Variants in HPSE2 observed in about 807,000 individuals in gnomAD.
The protein encoded by HPSE2 is inactive heparanase-2.
HPSE2 carries 38 observed loss-of-function variants against 60.5 expected under a neutral mutation model. The ratio of observed to expected loss-of-function variants is 0.63; its 90% CI spans 0.48 to 0.82. The LOEUF (loss-of-function observed/expected upper bound fraction) is 0.82. Among genes scored for constraint, HPSE2 ranks in the 40% least tolerant of loss-of-function variants. HPSE2 has a pLI of 0.00. For missense variants in HPSE2, 713 were observed against 740.4 expected, an observed-to-expected ratio of 0.96 and a Z score of 0.43; for synonymous variants, 295 against 293.2, an observed-to-expected ratio of 1.01 and a Z score of -0.06.
rs779671429 is a variant in HPSE2 at position 98,580,824 on chromosome 10, T to TTA, written c.1320+34078_1320+34079dup. On this transcript the variant is annotated intron_variant, in intron 9 of 11. Transcript: ENST00000370552. ...CTGTTTAGTCAAGTTGTGCTTGGTT[T>TTA]TATATATATATATGTGTGTGTGTGT... Among the ~76,000 whole-genome samples, 388 of 128,564 alleles carry TTA rather than the reference T, an allele frequency of 3.0e-3. 13 individuals carry two copies. The highest frequency in any genetic ancestry group is 7.5e-3 in the Admixed American group (94 of 12,544). The allele number at this position is 128,564 out of a possible 152,430, so 84.3% of individuals were successfully genotyped here. A position where few individuals can be genotyped will look rare whatever the true frequency, so the allele number is the denominator to read the frequency against.
intron 3 of HPSE2, among the ~76,000 whole-genome samples, chr10:98,922,448 C>T (rs562124750): frequency 5.9e-5 from 9 of 152,226 alleles, no homozygotes; most frequent in South Asian, 4.1e-4. Flanking sequence ...CATGAAGATA[C>T]GAGGGAGAAC....
intron 2 of HPSE2, among the ~76,000 whole-genome samples, chr10:99,177,933 G>A (rs895939480): frequency 3.3e-5 from 5 of 152,004 alleles, no homozygotes; most frequent in Admixed American, 6.6e-5. Flanking sequence ...CTCAGACCAC[G>A]GTGCAATCAA....
intron 3 of HPSE2, among the ~76,000 whole-genome samples, chr10:98,886,750 A>G (rs536365009): frequency 6.6e-6 from 1 of 152,176 alleles, no homozygotes; most frequent in Non-Finnish European, 1.5e-5. Flanking sequence ...TCGGAAAAGC[A>G]TAAGACAAGA....
chr10:98,790,914 A>T (rs1179416734), intron 3 of HPSE2, among the ~76,000 whole-genome samples: 1 of 152,208 alleles, frequency 6.6e-6, no homozygotes, highest in African/African-American at 2.4e-5. Flanking sequence ...AAAAGCTTCA[A>T]AAAACAGTGG....
chr10:98,945,899 G>T (rs1256781557), intron 3 of HPSE2, among the ~76,000 whole-genome samples: 4 of 152,100 alleles, frequency 2.6e-5, no homozygotes, highest in African/African-American at 9.7e-5. Context: ...CTGGGATGAA[G>T]ACAGAGCACA....
intron 9 of HPSE2, among the ~76,000 whole-genome samples, chr10:98,546,811 A>G (rs900132785): frequency 1.3e-5 from 2 of 150,616 alleles, no homozygotes; most frequent in South Asian, 2.1e-4. Flanking sequence ...AATGGGATCT[A>G]ATTAAACTCA....
At chr10:98,643,408 ATTAAG>A (rs1365216553) in intron 6 of HPSE2, among the ~76,000 whole-genome samples, 1 of 152,246 alleles carries the variant, frequency 6.6e-6, no homozygotes, top group African/African-American at 2.4e-5. Context: ...AGACTGATTA[ATTAAG>A]TTATGTGTAA....
intron 5 of HPSE2, among the ~76,000 whole-genome samples, chr10:98,720,188 A>G (rs7085540): frequency 4.6e-5 from 7 of 152,170 alleles, no homozygotes; most frequent in Admixed American, 2.0e-4. Context: ...AAATTACAGT[A>G]CTTAATAACG....
intron 2 of HPSE2, among the ~76,000 whole-genome samples, chr10:99,186,594 T>C (rs1442328631): frequency 1.5e-5 from 2 of 130,758 alleles, no homozygotes; most frequent in African/African-American, 5.8e-5. Context: ...AGACTTGTCA[T>C]CAGAAACTAT....
At chr10:98,879,844 TGCATGTGC>T (rs993830814) in intron 3 of HPSE2, among the ~76,000 whole-genome samples, 2 of 123,386 alleles carry the variant, frequency 1.6e-5, no homozygotes, top group African/African-American at 6.5e-5. Flanking sequence ...ACAGTTGGTG[TGCATGTGC>T]GTGTGTGTGT....
intron 9 of HPSE2, among the ~76,000 whole-genome samples, chr10:98,552,770 G>T (rs1355211839): frequency 6.6e-6 from 1 of 151,974 alleles, no homozygotes; most frequent in Non-Finnish European, 1.5e-5. Flanking sequence ...GTGTCTTTCA[G>T]TTGACAGCAT....
At chr10:99,105,530 C>A (rs1329759434) in intron 3 of HPSE2, among the ~76,000 whole-genome samples, 1 of 149,128 alleles carries the variant, frequency 6.7e-6, no homozygotes, top group East Asian at 2.0e-4. Context: ...GGATAGAAGA[C>A]CTTTACCAGA....
chr10:98,957,390 T>G (rs529825271), intron 3 of HPSE2, among the ~76,000 whole-genome samples: 3 of 152,256 alleles, frequency 2.0e-5, no homozygotes, highest in Admixed American at 6.5e-5. Flanking sequence ...CAGGGGTAGC[T>G]TTGCATAGAC....
chr10:98,958,886 AAC>A (rs987137841), intron 3 of HPSE2, among the ~76,000 whole-genome samples: 8 of 152,152 alleles, frequency 5.3e-5, no homozygotes, highest in Non-Finnish European at 8.8e-5. Flanking sequence ...CAAATTTAAC[AAC>A]ACAGACTTTT....
rs1444657072 is a variant in HPSE2 at position 99,208,387 on chromosome 10, C to T, written c.448+23961G>A. On this transcript the variant is annotated intron_variant, in intron 2 of 11. Coordinates refer to ENST00000370552, the MANE Select transcript of HPSE2 (RefSeq NM_021828.5). Reference sequence around the variant, plus strand: ...ATGTAAATGAATTACATTGTCCATTCAAAAGGCATTAGAGTGGCTAGGTAC... The same window carrying T: ...ATGTAAATGAATTACATTGTCCATTTAAAAGGCATTAGAGTGGCTAGGTAC... 4.6e-5 allele frequency among the ~76,000 whole-genome samples: 7 copies of T among 152,090 alleles called. No individual in the cohort carries two copies. The South Asian group carries it at 8.3e-4, about 18-fold the overall frequency.
intron 2 of HPSE2, among the ~76,000 whole-genome samples, chr10:99,216,062 C>T (rs145996025): frequency 1.4e-4 from 21 of 152,064 alleles, no homozygotes; most frequent in Non-Finnish European, 2.6e-4. Flanking sequence ...TACGTTTAAT[C>T]TAAAAAATGT....
At chr10:98,526,377 C>G (rs1044752692) in intron 9 of HPSE2, among the ~76,000 whole-genome samples, 2 of 152,168 alleles carry the variant, frequency 1.3e-5, no homozygotes, top group African/African-American at 4.8e-5. Flanking sequence ...TGTAGCATAA[C>G]AATCATATTA....
chr10:98,558,226 T>C (rs1944070190), intron 9 of HPSE2, among the ~76,000 whole-genome samples: 1 of 152,144 alleles, frequency 6.6e-6, no homozygotes, highest in African/African-American at 2.4e-5. Flanking sequence ...TAAAGCCAAA[T>C]GTAAACATGT....
intron 3 of HPSE2, among the ~76,000 whole-genome samples, chr10:99,132,736 C>A (rs966753474): frequency 6.6e-6 from 1 of 152,204 alleles, no homozygotes; most frequent in Non-Finnish European, 1.5e-5. Context: ...GTTTTCAACA[C>A]CCGCAAACCA....
Sources: allele counts gnomAD v4.1 joint callset (sites outside exome capture counted in the v4.1 genomes callset), GRCh38; gene constraint gnomAD v4.1.1; transcripts MANE v1.5; gene names NCBI Gene and HGNC (gene_info 2026-07-23, HGNC 2026-07-21).